Variants in TBCK observed in about 807,000 individuals in gnomAD.
The protein encoded by TBCK is TBC domain-containing protein kinase-like protein.
Under a neutral mutation model 113.4 loss-of-function variants are expected in TBCK, and 99 were observed. The ratio of observed to expected loss-of-function variants is 0.87; its 90% confidence interval spans 0.74 to 1.03. The LOEUF (loss-of-function observed/expected upper bound fraction) is 1.03. TBCK is among the 50% of genes least tolerant of loss of function. The pLI is 0.00. For synonymous variants in TBCK, 369 were observed against 370.8 expected, an observed-to-expected ratio of 1.00 and a Z score of 0.05; for missense variants, 1,045 against 1,061.3, an observed-to-expected ratio of 0.98 and a Z score of 0.21.
chr4:106,308,658 ATG>A, intron 2 of TBCK, 108 bp downstream of exon 2: 1 of 938,162 alleles, frequency 1.1e-6, no homozygotes, highest in South Asian at 1.8e-5. Context: ...AAAGAAGGAC[ATG>A]TGTGCACTGG....
intron 3 of TBCK, among the ~76,000 whole-genome samples, chr4:106,266,999 C>T (rs991207787): frequency 6.6e-5 from 10 of 151,868 alleles, no homozygotes; most frequent in African/African-American, 2.2e-4. Flanking sequence ...ATTAGATTCA[C>T]ACAGTTATAT....
At chr4:106,095,449 A>G in intron 25 of TBCK, 33 bp downstream of exon 25, 3 of 1,594,022 alleles carry the variant, frequency 1.9e-6, no homozygotes, top group South Asian at 1.1e-5. Context: ...ATCACTCATC[A>G]TATGTACATA....
At chr4:106,177,074 G>C (rs1201702703) in intron 22 of TBCK, among the ~76,000 whole-genome samples, 1 of 151,538 alleles carries the variant, frequency 6.6e-6, no homozygotes, top group African/African-American at 2.4e-5. Context: ...CTGGGCTCAA[G>C]TGATCTTATA....
rs70941239 is a variant in TBCK at position 106,197,386 on chromosome 4, A to AGTGTGT, written c.1861-2638_1861-2633dup. Among the ~76,000 whole-genome samples, 441 of 119,008 alleles carry AGTGTGT rather than the reference A, an allele frequency of 3.7e-3. 2 individuals are homozygous for AGTGTGT. Among genetic ancestry groups the AGTGTGT allele is most frequent in the Admixed American group, 4.4e-3 (48 of 10,844 alleles). 78.1% of individuals were successfully genotyped at this position (119,008 alleles called of 152,430 possible). ...TGTGTGTACACAGAAAACATATCTGAGTGTGTGTGTGTGTGTGTGTGTGTG... is the reference window on the plus strand; with the variant it reads ...TGTGTGTACACAGAAAACATATCTGAGTGTGTGTGTGTGTGTGTGTGTGTGTGTGTG... On this transcript the variant is annotated intron_variant, in intron 20 of 25. Coordinates refer to ENST00000394708, the MANE Select transcript of TBCK (RefSeq NM_001163435.3).
At chr4:106,294,336 C>T (rs867521362) in intron 3 of TBCK, among the ~76,000 whole-genome samples, 2 of 151,818 alleles carry the variant, frequency 1.3e-5, no homozygotes, top group Non-Finnish European at 2.9e-5. Flanking sequence ...ATTACAGGCA[C>T]GCACCACCAT....
At chr4:106,244,977 T>C (rs1176687975) in intron 10 of TBCK, among the ~76,000 whole-genome samples, 1 of 152,086 alleles carries the variant, frequency 6.6e-6, no homozygotes, top group Non-Finnish European at 1.5e-5. Flanking sequence ...TTCTTGGATC[T>C]GTAAGAGAGG....
intron 22 of TBCK, among the ~76,000 whole-genome samples, chr4:106,185,074 CTT>C (rs1259969085): frequency 2.0e-5 from 3 of 151,864 alleles, no homozygotes; most frequent in African/African-American, 7.3e-5. Flanking sequence ...AAACAGGAGT[CTT>C]TGATTTTTGT....
At chr4:106,197,762 T>C (rs1754433255) in intron 20 of TBCK, among the ~76,000 whole-genome samples, 1 of 152,042 alleles carries the variant, frequency 6.6e-6, no homozygotes, top group African/African-American at 2.4e-5. Context: ...ACCCCCAAAC[T>C]GCCTCTTTTT....
At chr4:106,307,066 C>T (rs1273748234) in intron 2 of TBCK, among the ~76,000 whole-genome samples, 3 of 152,146 alleles carry the variant, frequency 2.0e-5, no homozygotes, top group Non-Finnish European at 4.4e-5. Flanking sequence ...ATTTACAGCA[C>T]TAGGTATGTG....
intron 11 of TBCK, among the ~76,000 whole-genome samples, chr4:106,243,931 C>A (rs1415055845): frequency 2.6e-5 from 4 of 152,138 alleles, no homozygotes; most frequent in African/African-American, 9.7e-5. Context: ...AAGCAATCCA[C>A]CTGCCTTGCC....
intron 7 of TBCK, among the ~76,000 whole-genome samples, chr4:106,249,368 C>A (rs1258147429): frequency 1.3e-5 from 2 of 152,098 alleles, no homozygotes; most frequent in Non-Finnish European, 2.9e-5. Flanking sequence ...TCCAACCAAA[C>A]ATGGGTTGAA....
chr4:106,194,015 T>G (rs1753945550), intron 21 of TBCK, among the ~76,000 whole-genome samples: 1 of 152,092 alleles, frequency 6.6e-6, no homozygotes, highest in Non-Finnish European at 1.5e-5. Context: ...TTCATAATAT[T>G]TCTTCCCAGA....
At chr4:106,135,330 T>C (rs1054080755) in intron 23 of TBCK, among the ~76,000 whole-genome samples, 2 of 152,040 alleles carry the variant, frequency 1.3e-5, no homozygotes, top group South Asian at 4.1e-4. Context: ...ATTCATATTA[T>C]AGATAAGGAA....
At chr4:106,205,145 T>G (rs1354513988) in intron 20 of TBCK, among the ~76,000 whole-genome samples, 2 of 152,180 alleles carry the variant, frequency 1.3e-5, no homozygotes, top group Non-Finnish European at 1.5e-5. Flanking sequence ...AGATTAAAAT[T>G]TTGGAAAGCT....
chr4:106,102,208 T>C (rs923763583), intron 24 of TBCK, among the ~76,000 whole-genome samples: 2 of 152,210 alleles, frequency 1.3e-5, no homozygotes, highest in African/African-American at 4.8e-5. Flanking sequence ...GTTAAGTGGG[T>C]AAAGTTTGTC....
At chr4:106,284,307 T>A (rs1187404034) in intron 3 of TBCK, among the ~76,000 whole-genome samples, 1 of 152,112 alleles carries the variant, frequency 6.6e-6, no homozygotes, top group African/African-American at 2.4e-5. Flanking sequence ...CTGTAGCTCA[T>A]TATTCAACTC....
At chr4:106,208,171 G>A (rs1164158523) in intron 20 of TBCK, among the ~76,000 whole-genome samples, 2 of 152,114 alleles carry the variant, frequency 1.3e-5, no homozygotes, top group South Asian at 2.1e-4. Flanking sequence ...AGCAGCAGGA[G>A]GCAGAAAAAT....
intron 15 of TBCK, 108 bp from the exon 16 acceptor site, chr4:106,233,758 T>A: frequency 2.4e-6 from 2 of 830,622 alleles, no homozygotes; most frequent in Non-Finnish European, 1.9e-6. Flanking sequence ...CCTACCCAAC[T>A]ACAGATAAGC....
intron 25 of TBCK, among the ~76,000 whole-genome samples, chr4:106,060,242 G>T (rs1473108615): frequency 1.3e-5 from 2 of 151,790 alleles, no homozygotes; most frequent in Admixed American, 6.6e-5. Context: ...TTGATTGGAA[G>T]AAGATGCCAT....
Sources: gnomAD v4.1 joint callset for allele counts (sites outside exome capture counted in the v4.1 genomes callset) on GRCh38, gnomAD v4.1.1 for gene constraint, MANE v1.5 for transcripts, NCBI Gene and HGNC (gene_info 2026-07-23, HGNC 2026-07-21) for gene names.